The following SHANK2 variants were observed in gnomAD, a reference collection of about 807,000 sequenced individuals.
SHANK2 encodes SH3 and multiple ankyrin repeat domains protein 2.
SHANK2 carries 43 observed loss-of-function variants against 133.7 expected under a neutral mutation model. That is an observed-to-expected ratio of 0.32 (90% CI 0.25 to 0.41). The LOEUF (loss-of-function observed/expected upper bound fraction) is 0.41. Ranked by LOEUF, SHANK2 falls within the 10% of genes least tolerant of loss-of-function variation. The probability of loss-of-function intolerance (pLI) is 1.00; values close to 1 mark genes in which losing one functional copy is unlikely to be tolerated. For synonymous variants in SHANK2, 1,017 were observed against 952.8 expected, an observed-to-expected ratio of 1.07 and a Z score of -1.24; for missense variants, 1,994 against 2,235.8, an observed-to-expected ratio of 0.89 and a Z score of 2.18.
rs144993164 is a variant in SHANK2 at position 70,941,541 on chromosome 11, G to A, written c.1108-44974C>T. Among the ~76,000 whole-genome samples the A allele has an allele frequency of 2.7e-3, 414 of 152,276 alleles. 4 individuals carry two copies. The highest frequency in any genetic ancestry group is 8.6e-3 in the African/African-American group (358 of 41,552). On this transcript the variant is annotated intron_variant, in intron 10 of 25. Transcript: ENST00000601538. ...ATATGTCAGAGCTCTAATCCCCAAG[G>A]GGATGGCATTTGGATTGGGACCTTT... is the stretch of plus-strand genomic sequence containing the variant.
At chr11:71,183,885 C>T (rs1413530165) in intron 2 of SHANK2, among the ~76,000 whole-genome samples, 2 of 152,300 alleles carry the variant, frequency 1.3e-5, no homozygotes, top group East Asian at 1.9e-4. Flanking sequence ...GCTAATGTAA[C>T]CTTGTAGGGG....
intron 14 of SHANK2, among the ~76,000 whole-genome samples, chr11:70,759,414 G>A (rs1946942161): frequency 1.3e-5 from 2 of 151,968 alleles, no homozygotes; most frequent in South Asian, 2.1e-4. Flanking sequence ...CCCGGGAGGC[G>A]GAGGTTGCAG....
intron 17 of SHANK2, among the ~76,000 whole-genome samples, chr11:70,562,269 A>G (rs1554981036): frequency 6.6e-6 from 1 of 152,220 alleles, no homozygotes; most frequent in Non-Finnish European, 1.5e-5. Context: ...AGCACAGAGG[A>G]TTCTTTCCAC....
chr11:70,545,941 A>G (rs1554976268), intron 17 of SHANK2, among the ~76,000 whole-genome samples: 1 of 152,114 alleles, frequency 6.6e-6, no homozygotes, highest in Non-Finnish European at 1.5e-5. Context: ...TGCATCACTT[A>G]TGGCAACCAG....
At position 71,188,077 on chromosome 11, in the gene SHANK2, C is replaced by G. The variant is rs782736471; in HGVS notation, c.-13+36620G>C. Among the ~76,000 whole-genome samples, 1 of 152,206 alleles carries G rather than the reference C, an allele frequency of 6.6e-6. No individual in the cohort carries two copies. The highest frequency in any genetic ancestry group is 1.5e-5 in the Non-Finnish European group (1 of 68,032). On this transcript the variant is annotated intron_variant, in intron 2 of 25. Coordinates refer to ENST00000601538, the MANE Select transcript of SHANK2 (RefSeq NM_012309.5). This position sits in a 1 kb window ranked among gnomAD's most constrained non-coding sequence, Gnocchi z 4.6. ...GGCGGGTCAAAGGTCAGACCCCACA[C>G]AGTCCTTGCCACCACACATCTGCTC...
chr11:70,582,221 T>A (rs782419438), intron 17 of SHANK2, among the ~76,000 whole-genome samples: 3 of 152,216 alleles, frequency 2.0e-5, no homozygotes, highest in Non-Finnish European at 4.4e-5. Flanking sequence ...GCCATCCTCA[T>A]GATGAGAAGG....
intron 2 of SHANK2, among the ~76,000 whole-genome samples, chr11:71,167,437 A>C (rs183878698): frequency 1.1e-5 from 1 of 87,760 alleles, no homozygotes; most frequent in East Asian, 3.7e-4. Context: ...CCTCCCTCCC[A>C]GACGGGGCGG....
intron 10 of SHANK2, among the ~76,000 whole-genome samples, chr11:70,936,897 C>T (rs185559588): frequency 2.6e-5 from 4 of 152,354 alleles, no homozygotes; most frequent in Admixed American, 2.0e-4. Flanking sequence ...ATTCAGCCAG[C>T]ACTGGGTTTC....
chr11:70,885,697 C>T (rs1322501172), intron 11 of SHANK2, among the ~76,000 whole-genome samples: 4 of 152,198 alleles, frequency 2.6e-5, no homozygotes, highest in Admixed American at 1.3e-4. Context: ...CCCATCAGGA[C>T]AAAATCCACA....
At chr11:71,195,010 A>T (rs768891576) in intron 2 of SHANK2, among the ~76,000 whole-genome samples, 66 of 152,232 alleles carry the variant, frequency 4.3e-4, no homozygotes, top group Admixed American at 1.3e-3. Flanking sequence ...TGAAGAAAGA[A>T]ACCAAAGCCA....
rs2058783824 is a variant in SHANK2, at chr11:70,485,223, T to C, written c.4979+91A>G. On this transcript the variant is annotated intron_variant, in intron 25 of 25. Coordinates refer to ENST00000601538, the MANE Select transcript of SHANK2 (RefSeq NM_012309.5). The surrounding 1 kb of genome is among the most constrained non-coding windows in gnomAD (Gnocchi z 5.8). ...CAGGCTTTACGAATTCCCCTCTTCG[T>C]GTCCGCTGGGGCTGCTACCCGAGGG... The C allele has an allele frequency of 9.1e-7, 1 of 1,097,022 alleles. No individual in the cohort carries two copies. The highest frequency in any genetic ancestry group is 2.4e-5 in the East Asian group (1 of 42,234). 68.0% of individuals were successfully genotyped at this position (1,097,022 alleles called of 1,614,324 possible). A position where few individuals can be genotyped will look rare whatever the true frequency, so the allele number is the denominator to read the frequency against.
Position 71,113,207 on chromosome 11 carries a change from A to C in SHANK2, c.483+86T>G, listed in dbSNP as rs1951918494. On this transcript the variant is annotated intron_variant, in intron 5 of 25. Coordinates refer to ENST00000601538, the MANE Select transcript of SHANK2 (RefSeq NM_012309.5). The stretch of plus-strand genomic sequence containing the variant: ...CAGGTACACAGCAGGTGCCCCTGGA[A>C]GAGGAGCGTCTAAAGATAACACAAC... The C allele has an allele frequency of 2.5e-6, 3 of 1,212,220 alleles. No individual in the cohort carries two copies. In the South Asian group the frequency reaches 4.0e-5, roughly 16 times the overall value. The allele number at this position is 1,212,220 out of a possible 1,614,324, so 75.1% of individuals were successfully genotyped here. A position where few individuals can be genotyped will look rare whatever the true frequency, so the allele number is the denominator to read the frequency against.
At chr11:70,484,181 C>T (rs2058771695) in intron 25 of SHANK2, among the ~76,000 whole-genome samples, 1 of 152,200 alleles carries the variant, frequency 6.6e-6, no homozygotes, top group African/African-American at 2.4e-5. Flanking sequence ...TGGGGCTCCC[C>T]AAAGCCACAG....
At chr11:70,857,231 C>A (rs1654901736) in intron 11 of SHANK2, among the ~76,000 whole-genome samples, 1 of 152,174 alleles carries the variant, frequency 6.6e-6, no homozygotes, top group Admixed American at 6.5e-5. Flanking sequence ...AGTAAGCGGG[C>A]CTCAGCTCCC....
At chr11:71,166,763 G>A (rs1445168959) in intron 2 of SHANK2, among the ~76,000 whole-genome samples, 2 of 150,100 alleles carry the variant, frequency 1.3e-5, no homozygotes, top group Non-Finnish European at 3.0e-5. Context: ...GATTACAGGC[G>A]TGAGCCACCA....
intron 17 of SHANK2, among the ~76,000 whole-genome samples, chr11:70,518,980 G>A (rs2059298391): frequency 6.6e-6 from 1 of 152,220 alleles, no homozygotes. Context: ...CATGATCTTA[G>A]CTCACTGCAG....
chr11:71,230,428 G>C (rs1352971396), intron 1 of SHANK2, among the ~76,000 whole-genome samples: 1 of 152,072 alleles, frequency 6.6e-6, no homozygotes, highest in Non-Finnish European at 1.5e-5. Flanking sequence ...AATTATCTGG[G>C]TGTGGTGGCG....
chr11:71,063,048 G>C (rs1041772886), intron 9 of SHANK2, among the ~76,000 whole-genome samples: 2 of 147,214 alleles, frequency 1.4e-5, no homozygotes, highest in African/African-American at 2.5e-5. Context: ...GAGAAAGAGA[G>C]AGAAAGAAAA....
At chr11:71,086,103 A>T (rs1411756035) in intron 8 of SHANK2, among the ~76,000 whole-genome samples, 1 of 45,728 alleles carries the variant, frequency 2.2e-5, no homozygotes. Flanking sequence ...AAATTATATA[A>T]TATATTATGT....
Sources: allele counts gnomAD v4.1 joint callset (sites outside exome capture counted in the v4.1 genomes callset), GRCh38; gene constraint gnomAD v4.1.1; non-coding constraint Gnocchi (gnomAD v3.1); transcripts MANE v1.5; gene names NCBI Gene and HGNC (gene_info 2026-07-23, HGNC 2026-07-21).